Variants in DDX54 observed in about 807,000 individuals in gnomAD.
DDX54 encodes the protein DEAD-box helicase 54.
DDX54 carries 67 observed loss-of-function variants against 105.5 expected under a neutral mutation model. The observed-to-expected ratio is 0.64, with a 90% CI of 0.52 to 0.78. The LOEUF (loss-of-function observed/expected upper bound fraction) is 0.78, where lower values mean the gene tolerates loss of function less well. Among genes scored for constraint, DDX54 ranks in the 30% least tolerant of loss-of-function variants. The pLI is 0.00. For synonymous variants in DDX54, 514 were observed against 509.9 expected (o/e 1.01, Z -0.11); for missense variants, 1,206 against 1,230.5 (o/e 0.98, Z 0.30).
At chr12:113,162,047 T>G in intron 17 of DDX54, 50 bp from the exon 18 acceptor site, 63 of 1,574,720 alleles carry the variant, frequency 4.0e-5, no homozygotes, top group Non-Finnish European at 5.5e-5. Context: ...ACCCTTGGAG[T>G]GCCGGCTGCC....
chr12:113,177,201 C>T, intron 5 of DDX54, 108 bp from the exon 6 acceptor site: 17 of 1,363,034 alleles, frequency 1.2e-5, no homozygotes, highest in Non-Finnish European at 1.7e-5. Context: ...GGAACACAGA[C>T]CCAAGGCTTG....
intron 19 of DDX54, among the ~76,000 whole-genome samples, chr12:113,159,761 A>C (rs1592995580): frequency 6.6e-6 from 1 of 151,992 alleles, no homozygotes; most frequent in Non-Finnish European, 1.5e-5. Context: ...GAGGTCAGCG[A>C]CCCTGCCCCA....
rs145895826 is a variant in DDX54 at position 113,157,363 on chromosome 12, C to T, written c.*1514G>A. 92 of 572,382 alleles carry T rather than the reference C, an allele frequency of 1.6e-4. 1 individual carries two copies. The East Asian group carries it at 2.1e-3, about 13-fold the overall frequency. The allele number at this position is 572,382 out of a possible 1,614,324, so 35.5% of individuals were successfully genotyped here. ...AATTGGATAGTGCAGGTGACAGCAG[C>T]GAGGAAGCTGTGAAGGTGTCTGCTC... On this transcript the variant is annotated 3_prime_UTR_variant, in exon 20 of 20. Transcript: ENST00000306014.
chr12:113,178,078 A>C (rs527298679), intron 5 of DDX54, among the ~76,000 whole-genome samples: 149 of 152,208 alleles, frequency 9.8e-4, no homozygotes, highest in African/African-American at 3.4e-3. Context: ...TCTACAAAAA[A>C]TACAAAAAAT....
Position 113,164,282 on chromosome 12 carries a change from T to A in DDX54, c.1723A>T (p.Ile575Phe). ...CGGCTGGAGGCGTTGATCTCAAAGA[T>A]AGTCTGTGGAGGGGACACCCAGTCC... The part of the protein sequence containing the change: ...SIKNYRSRAT[I>F]FEINASSRDL... The change falls in exon 15 of 20, where the codon ATC becomes TTC. Residue 575 changes from isoleucine to phenylalanine, a missense_variant. Ile to Phe is a conservative substitution (Grantham distance 21). This residue lies in a region of DDX54 where 961 missense variants were observed against 1,019.1 expected (regional missense o/e 0.94). Coordinates refer to ENST00000306014, the MANE Select transcript of DDX54 (RefSeq NM_024072.4). The A allele has an allele frequency of 1.9e-6, 3 of 1,586,710 alleles. No homozygotes were observed. In the East Asian group the frequency reaches 6.8e-5, roughly 36 times the overall value.
At position 113,163,228 on chromosome 12, in the gene DDX54, G is replaced by A; in HGVS notation, c.1985C>T (p.Pro662Leu). 6.2e-7 allele frequency: 1 copy of A among 1,611,442 alleles called. No individual in the cohort carries two copies. The change falls in exon 16 of 20, where the codon CCC becomes CTC. Residue 662 changes from proline (P) to leucine (L), a missense_variant. Pro to Leu is a moderately conservative substitution (Grantham distance 98, BLOSUM62 -3). This residue lies in a region of DDX54 where 961 missense variants were observed against 1,019.1 expected (regional missense o/e 0.94). Transcript: ENST00000306014. This position sits in a 1 kb window ranked among gnomAD's most constrained non-coding sequence, Gnocchi z 5.9. ...VVGRKRQRSG[P>L]NRGAKRRREE... Reference sequence around the variant, plus strand: ...CCTCCGCCTCTTGGCTCCCCTGTTGGGTCCTGACCGCTGCCGCTTCCGGCC... The same window carrying A: ...CCTCCGCCTCTTGGCTCCCCTGTTGAGTCCTGACCGCTGCCGCTTCCGGCC...
intron 12 of DDX54, among the ~76,000 whole-genome samples, chr12:113,167,274 G>C (rs74455915): frequency 0.028 from 4,327 of 152,210 alleles, 122 homozygotes; most frequent in African/African-American, 0.07. Flanking sequence ...CTCCTCAAGA[G>C]GCTGAGGTGG....
rs746315944 is a variant in DDX54 at position 113,179,323 on chromosome 12, C to T, written c.384G>A (p.Pro128=). The T allele has an allele frequency of 5.0e-6, 8 of 1,613,028 alleles. No individual in the cohort carries two copies. The highest frequency in any genetic ancestry group is 2.2e-5 in the East Asian group (1 of 44,870). Residue 128 remains proline (P), a synonymous_variant, in exon 4 of 20, where the codon CCG becomes CCA. Transcript: ENST00000306014. ...VPTPIQRKTI[P]VILDGKDVVA... ...CCACGTCCTTGCCATCCAAGATCAC[C>T]GGGATGGTCTGGAGAGGCACAAGCA...
chr12:113,160,031 C>G (rs377114856), intron 19 of DDX54, among the ~76,000 whole-genome samples: 19 of 152,328 alleles, frequency 1.2e-4, no homozygotes, highest in Admixed American at 9.1e-4. Context: ...GCCCACAGGT[C>G]GCCCCCGTCT....
In DDX54 at chr12:113,175,075, C is replaced by T. The variant is rs766162033; in HGVS notation, c.835G>A (p.Ala279Thr). ...PGGHQTVLFSATLPKLLVEFA... is the reference protein window; with the variant it reads ...PGGHQTVLFSTTLPKLLVEFA... Reference sequence around the variant, plus strand: ...TCCACCAGCAGTTTGGGCAGCGTGGCGGAGAACAGCACCGTCTGGTGGCCC... The same window carrying T: ...TCCACCAGCAGTTTGGGCAGCGTGGTGGAGAACAGCACCGTCTGGTGGCCC... Residue 279 changes from alanine to threonine, a missense_variant, in exon 8 of 20, where the codon GCC becomes ACC. Ala to Thr is a moderately conservative substitution (Grantham distance 58). Coordinates refer to ENST00000306014, the MANE Select transcript of DDX54 (RefSeq NM_024072.4). The T allele has an allele frequency of 5.6e-6, 9 of 1,613,986 alleles. No homozygotes were observed. Among genetic ancestry groups the T allele is most frequent in the Non-Finnish European group, 4.2e-6 (5 of 1,180,024 alleles).
In DDX54 at chr12:113,159,140, TGTTGGGATCACTCCCAA is replaced by T. The variant is rs756979465; in HGVS notation, c.2414-48_2414-32del. 3.9e-6 allele frequency: 6 copies of T among 1,554,402 alleles called. No homozygotes were observed. The East Asian group carries it at 1.4e-4, about 36-fold the overall frequency. On this transcript the variant is annotated intron_variant, in intron 19 of 19. Transcript: ENST00000306014. ...GGGACAGGGATTCAGGGAGCTCAGC[TGTTGGGATCACTCCCAA>T]GATCCCCTCCTCCCAGAAGCTTGCA...
Position 113,163,984 on chromosome 12 carries a change from C to T in DDX54, c.1938+83G>A, listed in dbSNP as rs995750370. The T allele has an allele frequency of 6.8e-7, 1 of 1,465,852 alleles. No homozygotes were observed. The allele number at this position is 1,465,852 out of a possible 1,614,324, so 90.8% of individuals were successfully genotyped here. ...CACCTCCATCCACTGCTCAAAGATC[C>T]TAGGACAGCCTCATGGGCTGCTGGG... On this transcript the variant is annotated intron_variant, in intron 15 of 19. Coordinates refer to ENST00000306014, the MANE Select transcript of DDX54 (RefSeq NM_024072.4). This position sits in a 1 kb window ranked among gnomAD's most constrained non-coding sequence, Gnocchi z 5.9.
In DDX54 at chr12:113,158,866, G is replaced by C. The variant is rs763679173; in HGVS notation, c.*11C>G. The C allele has an allele frequency of 3.2e-6, 5 of 1,583,046 alleles. No homozygotes were observed. Among genetic ancestry groups the C allele is most frequent in the Non-Finnish European group, 4.3e-6 (5 of 1,159,058 alleles). ...GGCCAATCAAGGAGCCACGGGGCTG[G>C]GTCCTGGTCCTCACATCCTCTTCCG... On this transcript the variant is annotated 3_prime_UTR_variant, in exon 20 of 20. Coordinates refer to ENST00000306014, the MANE Select transcript of DDX54 (RefSeq NM_024072.4). This position sits in a 1 kb window ranked among gnomAD's most constrained non-coding sequence, Gnocchi z 4.9.
Position 113,179,996 on chromosome 12 carries a change from T to C in DDX54, c.314A>G (p.Tyr105Cys), listed in dbSNP as rs1302982020. Residue 105 changes from tyrosine (Y) to cysteine (C), a missense_variant, in exon 3 of 20, where the codon TAC (tyrosine) becomes TGC (cysteine). Physicochemically the swap from Tyr to Cys is radical, Grantham distance 194 (BLOSUM62 -2). Transcript: ENST00000306014. ...CTTCATGATGCCTTTGAACACCGGGTAGCTCAGGCCTGGGAGAGACATGAA... is the reference window on the plus strand; with the variant it reads ...CTTCATGATGCCTTTGAACACCGGGCAGCTCAGGCCTGGGAGAGACATGAA... Reference protein sequence around the residue: ...SGGFQSMGLSYPVFKGIMKKG... With the variant: ...SGGFQSMGLSCPVFKGIMKKG... 6.2e-7 allele frequency: 1 copy of C among 1,613,764 alleles called. No homozygotes were observed. Among genetic ancestry groups the C allele is most frequent in the Non-Finnish European group, 8.5e-7 (1 of 1,179,954 alleles).
chr12:113,169,055 G>A (rs1952306176), intron 12 of DDX54, among the ~76,000 whole-genome samples: 1 of 152,004 alleles, frequency 6.6e-6, no homozygotes, highest in African/African-American at 2.4e-5. Flanking sequence ...TGCAGGGGCT[G>A]GGCAGGCCAC....
chr12:113,167,950 C>T (rs776085562), intron 12 of DDX54: 10 of 509,732 alleles, frequency 2.0e-5, no homozygotes, highest in Non-Finnish European at 3.5e-5. Context: ...GTGCTTGCAC[C>T]TCCCTCCCTT....
chr12:113,166,679 G>A (rs1952280935), intron 12 of DDX54, among the ~76,000 whole-genome samples: 1 of 152,012 alleles, frequency 6.6e-6, no homozygotes, highest in African/African-American at 2.4e-5. Flanking sequence ...TCCAGCCTGG[G>A]TGACAGAACA....
At chr12:113,159,555 G>A (rs944902420) in intron 19 of DDX54, among the ~76,000 whole-genome samples, 2 of 152,112 alleles carry the variant, frequency 1.3e-5, no homozygotes, top group African/African-American at 2.4e-5. Flanking sequence ...GCACACCTAC[G>A]GCACGCCAGG....
chr12:113,179,385 GA>G, intron 3 of DDX54, 54 bp from the exon 4 acceptor site: 1 of 1,582,644 alleles, frequency 6.3e-7, no homozygotes, highest in Non-Finnish European at 8.6e-7. Flanking sequence ...AACACCATGT[GA>G]TCCAGAGCTT....
Sources: allele counts gnomAD v4.1 joint callset (sites outside exome capture counted in the v4.1 genomes callset), GRCh38; gene constraint gnomAD v4.1.1; regional missense constraint gnomAD v4.1.1; non-coding constraint Gnocchi (gnomAD v3.1); transcripts MANE v1.5; gene names NCBI Gene and HGNC (gene_info 2026-07-23, HGNC 2026-07-21).